The following KCNMB2 variants were observed in gnomAD, a reference collection of about 807,000 sequenced individuals.
The protein encoded by KCNMB2 is potassium calcium-activated channel subfamily M regulatory beta subunit 2.
A neutral mutation model predicts 24.5 loss-of-function variants in KCNMB2; 9 were observed. That is an observed-to-expected ratio of 0.37 (90% CI 0.22 to 0.64). KCNMB2 has a LOEUF of 0.64. Ranked by LOEUF, KCNMB2 falls within the 30% of genes least tolerant of loss-of-function variation. KCNMB2 has a pLI of 0.63. For synonymous variants in KCNMB2, 109 were observed against 104.4 expected (o/e 1.04, Z -0.27); for missense variants, 226 against 284.3 (o/e 0.79, Z 1.47).
intron 1 of KCNMB2, among the ~76,000 whole-genome samples, chr3:178,602,140 C>T (rs148436465): frequency 3.3e-5 from 5 of 152,108 alleles, no homozygotes; most frequent in African/African-American, 1.2e-4. Context: ...TGGCAGAGAC[C>T]TGGAATATAG....
At chr3:178,627,845 G>C (rs1719175614) in intron 1 of KCNMB2, among the ~76,000 whole-genome samples, 1 of 152,208 alleles carries the variant, frequency 6.6e-6, no homozygotes, top group Admixed American at 6.5e-5. Context: ...TTCTGTTCTT[G>C]TATTTCAGTC....
chr3:178,835,252 G>A (rs1015712027), intron 4 of KCNMB2, among the ~76,000 whole-genome samples: 5 of 152,042 alleles, frequency 3.3e-5, no homozygotes, highest in African/African-American at 1.2e-4. Context: ...GCATAGCAGT[G>A]TGAATTCTGT....
chr3:178,694,467 C>T (rs750521306), intron 1 of KCNMB2, among the ~76,000 whole-genome samples: 59 of 152,182 alleles, frequency 3.9e-4, no homozygotes, highest in Non-Finnish European at 6.2e-4. Flanking sequence ...ACTCAAAAGT[C>T]CAAGTCCAAA....
chr3:178,605,686 A>G (rs1718246558), intron 1 of KCNMB2, among the ~76,000 whole-genome samples: 1 of 152,202 alleles, frequency 6.6e-6, no homozygotes, highest in Admixed American at 6.6e-5. Flanking sequence ...ATTTTATTGG[A>G]AACTGGAGGA....
At chr3:178,815,721 G>C (rs1463555111) in intron 2 of KCNMB2, among the ~76,000 whole-genome samples, 2 of 151,852 alleles carry the variant, frequency 1.3e-5, no homozygotes, top group African/African-American at 4.8e-5. Flanking sequence ...CAATTTGATA[G>C]GAGTTTTTAT....
chr3:178,604,492 A>C (rs1278731301), intron 1 of KCNMB2, among the ~76,000 whole-genome samples: 5 of 152,066 alleles, frequency 3.3e-5, no homozygotes, highest in Non-Finnish European at 7.4e-5. Context: ...TGAAATCCAC[A>C]TCATTTTCTC....
At chr3:178,640,414 C>T (rs934567737) in intron 1 of KCNMB2, among the ~76,000 whole-genome samples, 3 of 152,074 alleles carry the variant, frequency 2.0e-5, no homozygotes, top group Admixed American at 6.6e-5. Flanking sequence ...TTTAAACAAC[C>T]AGATCTTGTA....
intron 1 of KCNMB2, among the ~76,000 whole-genome samples, chr3:178,586,902 A>T (rs1717462024): frequency 6.6e-6 from 1 of 152,046 alleles, no homozygotes; most frequent in Admixed American, 6.6e-5. Flanking sequence ...TTATAAAACT[A>T]TTCTCTTATA....
chr3:178,729,653 T>G (rs778430011), intron 1 of KCNMB2, among the ~76,000 whole-genome samples: 1 of 152,220 alleles, frequency 6.6e-6, no homozygotes, highest in African/African-American at 2.4e-5. Context: ...AATGACCACA[T>G]TGGGCAGATT....
chr3:178,698,785 T>A (rs1363004713), intron 1 of KCNMB2, among the ~76,000 whole-genome samples: 1 of 152,226 alleles, frequency 6.6e-6, no homozygotes, highest in Non-Finnish European at 1.5e-5. Flanking sequence ...GATTTTTGGA[T>A]TTTTTTCTTT....
chr3:178,828,461 C>A, intron 4 of KCNMB2, 88 bp downstream of exon 4: 1 of 960,714 alleles, frequency 1.0e-6, no homozygotes, highest in Non-Finnish European at 1.5e-6. Flanking sequence ...GCCAGCATTT[C>A]AAAGGAAAAT....
intron 1 of KCNMB2, among the ~76,000 whole-genome samples, chr3:178,608,324 C>T (rs1560128677): frequency 6.6e-6 from 1 of 152,176 alleles, no homozygotes; most frequent in Non-Finnish European, 1.5e-5. Flanking sequence ...CAAATTGGCT[C>T]TGAATTCTCT....
At chr3:178,645,228 T>C (rs553728594) in intron 1 of KCNMB2, among the ~76,000 whole-genome samples, 94 of 152,090 alleles carry the variant, frequency 6.2e-4, no homozygotes, top group African/African-American at 2.2e-3. Context: ...GTTTGTATTT[T>C]TAGTAGAGAC....
chr3:178,723,383 T>G (rs1268699927), intron 1 of KCNMB2, among the ~76,000 whole-genome samples: 1 of 152,236 alleles, frequency 6.6e-6, no homozygotes, highest in Non-Finnish European at 1.5e-5. Flanking sequence ...TTCATGTCTT[T>G]CATCAGCATT....
intron 1 of KCNMB2, among the ~76,000 whole-genome samples, chr3:178,643,479 A>G (rs1396565195): frequency 6.6e-6 from 1 of 152,160 alleles, no homozygotes; most frequent in Non-Finnish European, 1.5e-5. Flanking sequence ...TGGTTTTTAT[A>G]TTGTATTACA....
At chr3:178,746,499 CG>C (rs978529984) in intron 1 of KCNMB2, among the ~76,000 whole-genome samples, 2 of 152,098 alleles carry the variant, frequency 1.3e-5, no homozygotes, top group African/African-American at 4.8e-5. Context: ...CTCATTGTCT[CG>C]GGGATTAACT....
At chr3:178,617,482 C>T (rs1429368631) in intron 1 of KCNMB2, among the ~76,000 whole-genome samples, 2 of 151,534 alleles carry the variant, frequency 1.3e-5, no homozygotes, top group South Asian at 2.1e-4. Flanking sequence ...CGCTTGAACC[C>T]GGGAGGTGGA....
At chr3:178,791,535 G>A (rs908020280) in intron 1 of KCNMB2, among the ~76,000 whole-genome samples, 3 of 152,096 alleles carry the variant, frequency 2.0e-5, no homozygotes, top group Admixed American at 2.0e-4. Flanking sequence ...TTAAGGAGGA[G>A]GCAGAAAAAC....
chr3:178,758,003 ATAT>A (rs1724223971), intron 1 of KCNMB2, among the ~76,000 whole-genome samples: 3 of 1,460 alleles, frequency 2.1e-3, no homozygotes, highest in Admixed American at 0.018. Flanking sequence ...ATATATCTAG[ATAT>A]ATATATATAT....
Sources: allele counts gnomAD v4.1 joint callset (sites outside exome capture counted in the v4.1 genomes callset), GRCh38; gene constraint gnomAD v4.1.1; transcripts MANE v1.5; gene names NCBI Gene and HGNC (gene_info 2026-07-23, HGNC 2026-07-21).